Variants in ARK2C observed in about 807,000 individuals in gnomAD.
The protein encoded by ARK2C is arkadia (RNF111) C-terminal like ring finger ubiquitin ligase 2C, also known as E3 ubiquitin-protein ligase ARK2C.
chr18:46,334,410 G>C, the ARK2C span: 7 of 1,339,298 alleles, frequency 5.2e-6, no homozygotes, highest in East Asian at 8.1e-5. The surrounding 1 kb of genome is among the most constrained non-coding windows in gnomAD (Gnocchi z 4.4). Context: ...CGGGCGCCGC[G>C]GGCGGCCGGG....
the ARK2C span, among the ~76,000 whole-genome samples, chr18:46,343,606 G>A: frequency 1.3e-5 from 2 of 152,228 alleles, no homozygotes; most frequent in Non-Finnish European, 2.9e-5. Flanking sequence ...TCTTGGCCAA[G>A]CCTGAGTACT....
At chr18:46,417,101 C>T in the ARK2C span, among the ~76,000 whole-genome samples, 1 of 152,216 alleles carries the variant, frequency 6.6e-6, no homozygotes, top group East Asian at 1.9e-4. Context: ...GTTTTACATC[C>T]AATCCATGAA....
At chr18:46,406,893 C>A in the ARK2C span, among the ~76,000 whole-genome samples, 1 of 147,786 alleles carries the variant, frequency 6.8e-6, no homozygotes, top group Admixed American at 6.7e-5. Flanking sequence ...AGAATCCTTA[C>A]CCTGATGGGA....
chr18:46,389,151 A>G, the ARK2C span, among the ~76,000 whole-genome samples: 26 of 152,278 alleles, frequency 1.7e-4, no homozygotes, highest in African/African-American at 5.8e-4. Context: ...ATAAGTCACC[A>G]TCAGGTAGTG....
chr18:46,379,399 T>C, the ARK2C span, among the ~76,000 whole-genome samples: 1 of 152,206 alleles, frequency 6.6e-6, no homozygotes, highest in Non-Finnish European at 1.5e-5. Context: ...CATATCTTAT[T>C]CTTCCAGATT....
chr18:46,335,297 G>A, the ARK2C span: 2 of 152,074 alleles, frequency 1.3e-5, no homozygotes. Context: ...GATAAATGGG[G>A]TGTGTTTGCA....
chr18:46,406,069 ACACT>A, the ARK2C span, among the ~76,000 whole-genome samples: 8 of 151,916 alleles, frequency 5.3e-5, no homozygotes, highest in African/African-American at 1.9e-4. Flanking sequence ...TCCCACATAC[ACACT>A]CACACACTGA....
At chr18:46,439,825 G>A in the ARK2C span, among the ~76,000 whole-genome samples, 2 of 151,930 alleles carry the variant, frequency 1.3e-5, no homozygotes, top group Admixed American at 1.3e-4. Flanking sequence ...TTTTGTTTTT[G>A]TTTTGTTTGT....
the ARK2C span, among the ~76,000 whole-genome samples, chr18:46,342,832 G>C: frequency 6.6e-6 from 1 of 152,220 alleles, no homozygotes; most frequent in African/African-American, 2.4e-5. Flanking sequence ...CCTCATAGGA[G>C]TCCATCCCTC....
At chr18:46,407,216 G>A in the ARK2C span, among the ~76,000 whole-genome samples, 1 of 152,128 alleles carries the variant, frequency 6.6e-6, no homozygotes, top group Non-Finnish European at 1.5e-5. Context: ...TGGGGCCTGT[G>A]CAGTTTTCAC....
chr18:46,434,513 C>T, the ARK2C span, among the ~76,000 whole-genome samples: 3 of 152,196 alleles, frequency 2.0e-5, no homozygotes, highest in Non-Finnish European at 4.4e-5. Flanking sequence ...TTCATTCTTG[C>T]AGAATCTGTG....
the ARK2C span, chr18:46,455,928 T>A: frequency 8.1e-7 from 1 of 1,230,334 alleles, no homozygotes; most frequent in African/African-American, 1.5e-5. Context: ...AGCCACCAGC[T>A]GAGTCTGCCC....
At chr18:46,417,923 G>C in the ARK2C span, among the ~76,000 whole-genome samples, 2 of 152,030 alleles carry the variant, frequency 1.3e-5, no homozygotes, top group Non-Finnish European at 2.9e-5. Context: ...AGAATCGCTT[G>C]AACCTGGGAG....
chr18:46,433,289 T>G, the ARK2C span: 1 of 1,610,972 alleles, frequency 6.2e-7, no homozygotes, highest in South Asian at 1.1e-5. Context: ...GACTTCCCGC[T>G]GGCCCACCCC....
chr18:46,375,080 C>A, the ARK2C span, among the ~76,000 whole-genome samples: 12 of 152,214 alleles, frequency 7.9e-5, no homozygotes, highest in Non-Finnish European at 1.2e-4. Context: ...TTTCTCCCCA[C>A]AAACCTCACC....
At chr18:46,390,932 T>C in the ARK2C span, among the ~76,000 whole-genome samples, 1 of 152,196 alleles carries the variant, frequency 6.6e-6, no homozygotes, top group African/African-American at 2.4e-5. Context: ...CCAAATGGGT[T>C]ATTTATTGAC....
chr18:46,345,470 G>A, the ARK2C span, among the ~76,000 whole-genome samples: 6 of 152,154 alleles, frequency 3.9e-5, no homozygotes, highest in Non-Finnish European at 8.8e-5. Context: ...TCAGGTTCCC[G>A]CCTTCTCAGC....
the ARK2C span, among the ~76,000 whole-genome samples, chr18:46,432,867 T>C: frequency 6.2e-3 from 936 of 152,126 alleles, 4 homozygotes; most frequent in Non-Finnish European, 9.0e-3. Context: ...GTGGCGTGAA[T>C]CCGGGAGGCG....
the ARK2C span, among the ~76,000 whole-genome samples, chr18:46,406,806 G>A: frequency 2.6e-5 from 4 of 152,222 alleles, no homozygotes; most frequent in African/African-American, 7.2e-5. Context: ...CCTCCTTGGC[G>A]TTGGGCCTGG....
Sources: allele counts gnomAD v4.1 joint callset (sites outside exome capture counted in the v4.1 genomes callset), GRCh38; gene constraint gnomAD v4.1.1; non-coding constraint Gnocchi (gnomAD v3.1); transcripts MANE v1.5; gene names NCBI Gene and HGNC (gene_info 2026-07-23, HGNC 2026-07-21).